The following KIF2C variants were observed in gnomAD, a reference collection of about 807,000 sequenced individuals.
KIF2C encodes kinesin-like protein KIF2C.
Under a neutral mutation model 97.4 loss-of-function variants are expected in KIF2C, and 34 were observed. The ratio of observed to expected loss-of-function variants is 0.35; its 90% CI spans 0.27 to 0.46. KIF2C has a LOEUF of 0.46. Among genes scored for constraint, KIF2C ranks in the 20% least tolerant of loss-of-function variants. KIF2C has a pLI of 1.00. For synonymous variants in KIF2C, 313 were observed against 318.2 expected, an observed-to-expected ratio of 0.98 and a Z score of 0.17; for missense variants, 750 against 907.6, an observed-to-expected ratio of 0.83 and a Z score of 2.23.
Position 44,758,111 on chromosome 1 carries a change from G to T in KIF2C, c.1195G>T (p.Val399Leu), listed in dbSNP as rs1233226926. Residue 399 changes from valine (V) to leucine (L), a missense_variant, in exon 13 of 21, where the codon GTG (valine) becomes TTG (leucine). By Grantham distance (32) the Val-to-Leu change is conservative (BLOSUM62 1). Transcript: ENST00000372224. Reference protein sequence around the residue: ...CYRKLGLEVYVTFFEIYNGKL... With the variant: ...CYRKLGLEVYLTFFEIYNGKL... ...CCGGAAGTTGGGCCTGGAAGTCTATGTGACATTCTTCGAGATCTACAATGG... is the reference window on the plus strand; with the variant it reads ...CCGGAAGTTGGGCCTGGAAGTCTATTTGACATTCTTCGAGATCTACAATGG... 2 of 1,609,140 alleles carry T rather than the reference G, an allele frequency of 1.2e-6. No individual in the cohort carries two copies. Among genetic ancestry groups the T allele is most frequent in the Non-Finnish European group, 1.7e-6 (2 of 1,178,020 alleles).
At chr1:44,754,098 C>T (rs1649686972) in intron 7 of KIF2C, among the ~76,000 whole-genome samples, 1 of 150,314 alleles carries the variant, frequency 6.7e-6, no homozygotes, top group South Asian at 2.1e-4. Flanking sequence ...GGATTACAGG[C>T]ATGTGCCGCT....
chr1:44,746,612 CCAG>C, intron 2 of KIF2C: 1 of 1,462,598 alleles, frequency 6.8e-7, no homozygotes, highest in Non-Finnish European at 9.0e-7. Context: ...ACCTCACTGC[CCAG>C]CAGATCAGCA....
rs34685023 is a variant in KIF2C at position 44,753,958 on chromosome 1, CTTTTTTTTTTTTTTTT to C, written c.663+137_663+152del. 117 of 67,916 alleles carry C rather than the reference CTTTTTTTTTTTTTTTT, an allele frequency of 1.7e-3. 1 individual carries two copies. The Middle Eastern group carries it at 0.033, about 19-fold the overall frequency. 4.2% of individuals were successfully genotyped at this position (67,916 alleles called of 1,614,324 possible). A position where few individuals can be genotyped will look rare whatever the true frequency, so the allele number is the denominator to read the frequency against. On this transcript the variant is annotated intron_variant, in intron 7 of 20. Transcript: ENST00000372224. ...GGCTCCAGTTCTTGAGGCCCCAATT[CTTTTTTTTTTTTTTTT>C]TTTTTTTTTTTGCTCTGTTGCCCTG...
At position 44,765,122 on chromosome 1, in the gene KIF2C, A is replaced by G. The variant is rs915001172; in HGVS notation, c.1972-1704A>G. On this transcript the variant is annotated intron_variant, in intron 19 of 20. Transcript: ENST00000372224. Reference sequence around the variant, plus strand: ...GCAACAGAGCAAGACTGTCTCAAAAATAAAATAAAATAATCATTTGGCCAG... The same window carrying G: ...GCAACAGAGCAAGACTGTCTCAAAAGTAAAATAAAATAATCATTTGGCCAG... Among the ~76,000 whole-genome samples the G allele has an allele frequency of 4.1e-4, 62 of 152,068 alleles. 1 individual carries two copies. The highest frequency in any genetic ancestry group is 2.0e-4 in the Admixed American group (3 of 15,248).
At chr1:44,758,259 G>A in intron 13 of KIF2C, 119 bp downstream of exon 13, 2 of 807,374 alleles carry the variant, frequency 2.5e-6, no homozygotes, top group Non-Finnish European at 4.1e-6. Flanking sequence ...AGCCACTGAT[G>A]GGCCATTCTG....
At chr1:44,764,122 A>G (rs1384280355) in intron 19 of KIF2C, among the ~76,000 whole-genome samples, 2 of 152,118 alleles carry the variant, frequency 1.3e-5, no homozygotes, top group Non-Finnish European at 2.9e-5. Context: ...TGAACCATTT[A>G]GATATACAAG....
intron 5 of KIF2C, among the ~76,000 whole-genome samples, chr1:44,751,821 C>CTTTTT (rs375561958): frequency 8.0e-5 from 8 of 100,096 alleles, no homozygotes; most frequent in African/African-American, 1.6e-4. Flanking sequence ...CTTTTTATAC[C>CTTTTT]TTTTTTTTTT....
At position 44,760,657 on chromosome 1, in the gene KIF2C, G is replaced by A. The variant is rs764149052; in HGVS notation, c.1638G>A (p.Gln546=). 1 of 1,614,208 alleles carries A rather than the reference G, an allele frequency of 6.2e-7. No homozygotes were observed. The highest frequency in any genetic ancestry group is 8.5e-7 in the Non-Finnish European group (1 of 1,180,038). The change falls in exon 16 of 21, where the codon CAG becomes CAA. Residue 546 remains glutamine, a synonymous_variant. Coordinates refer to ENST00000372224, the MANE Select transcript of KIF2C (RefSeq NM_006845.4). The surrounding 1 kb of genome is among the most constrained non-coding windows in gnomAD (Gnocchi z 4.2). ...HTPFRESKLT[Q]VLRDSFIGEN... is the part of the protein sequence containing the mutation. ...CGTTCCGTGAGAGCAAGCTGACACA[G>A]GTGCTGAGGGACTCCTTCATTGGGG...
intron 13 of KIF2C, 105 bp from the exon 14 acceptor site, chr1:44,759,101 C>T: frequency 6.9e-7 from 1 of 1,439,600 alleles, no homozygotes; most frequent in Non-Finnish European, 9.6e-7. Context: ...TCTGCCTTTC[C>T]TGCTGCTGGC....
intron 2 of KIF2C, among the ~76,000 whole-genome samples, chr1:44,742,852 A>G (rs1649006414): frequency 1.3e-5 from 2 of 152,186 alleles, no homozygotes; most frequent in Middle Eastern, 3.4e-3. Flanking sequence ...GGTTGAGGAG[A>G]CAAAAAGACG....
intron 2 of KIF2C, 68 bp from the exon 3 acceptor site, chr1:44,747,316 A>G: frequency 3.6e-6 from 5 of 1,393,608 alleles, no homozygotes; most frequent in Non-Finnish European, 5.0e-6. Context: ...TCAAAAAAAA[A>G]AAAAAAGAAA....
At chr1:44,752,283 T>C (rs1649571958) in intron 5 of KIF2C, among the ~76,000 whole-genome samples, 1 of 151,594 alleles carries the variant, frequency 6.6e-6, no homozygotes, top group Non-Finnish European at 1.5e-5. Flanking sequence ...TACAGCCGCC[T>C]GCCACCGCGC....
At chr1:44,753,898 G>A in intron 7 of KIF2C, 65 bp downstream of exon 7, 1 of 844,546 alleles carries the variant, frequency 1.2e-6, no homozygotes, top group Non-Finnish European at 1.8e-6. Context: ...AACTCTACGG[G>A]CAACAGAGAT....
At chr1:44,740,799 T>TTTTAAAC in intron 1 of KIF2C, 114 bp from the exon 2 acceptor site, 1 of 404,752 alleles carries the variant, frequency 2.5e-6, no homozygotes, top group Non-Finnish European at 4.6e-6. Context: ...TTTTTTTTTT[T>TTTTAAAC]AAGGTAGCTG....
rs1271150720 is a variant in KIF2C at position 44,740,873 on chromosome 1, G to A, written c.71-40G>A. 2.1e-6 allele frequency: 3 copies of A among 1,449,322 alleles called. No homozygotes were observed. The East Asian group carries it at 7.2e-5, about 35-fold the overall frequency. The allele number at this position is 1,449,322 out of a possible 1,614,324, so 89.8% of individuals were successfully genotyped here. A position where few individuals can be genotyped will look rare whatever the true frequency, so the allele number is the denominator to read the frequency against. On this transcript the variant is annotated intron_variant, in intron 1 of 20. Coordinates refer to ENST00000372224, the MANE Select transcript of KIF2C (RefSeq NM_006845.4). ...TGGAATCCTAAAAGTGAAGCTCTCA[G>A]GAAAGAGATGGGTAACTCTGGTTTT... is the stretch of plus-strand genomic sequence containing the variant.
chr1:44,752,871 C>T (rs968430350), intron 5 of KIF2C, among the ~76,000 whole-genome samples: 1 of 152,184 alleles, frequency 6.6e-6, no homozygotes, highest in Non-Finnish European at 1.5e-5. Context: ...AGTTCACGCT[C>T]TCAGAGGCTT....
At chr1:44,749,452 A>G (rs1246578253) in intron 4 of KIF2C, among the ~76,000 whole-genome samples, 1 of 149,720 alleles carries the variant, frequency 6.7e-6, no homozygotes, top group African/African-American at 2.5e-5. Context: ...CAAAGAAAAA[A>G]AATTACAGAT....
At chr1:44,758,950 A>G in intron 13 of KIF2C, 1 of 483,800 alleles carries the variant, frequency 2.1e-6, no homozygotes, top group Non-Finnish European at 3.8e-6. Flanking sequence ...TTTACAGATG[A>G]GATGCAAGGC....
Position 44,760,773 on chromosome 1 carries a change from C to A in KIF2C, c.1683+71C>A. The A allele has an allele frequency of 7.8e-7, 1 of 1,283,882 alleles. No individual in the cohort carries two copies. Among genetic ancestry groups the A allele is most frequent in the Non-Finnish European group, 1.1e-6 (1 of 891,856 alleles). 79.5% of individuals were successfully genotyped at this position (1,283,882 alleles called of 1,614,324 possible). A position where few individuals can be genotyped will look rare whatever the true frequency, so the allele number is the denominator to read the frequency against. ...TTGCTTTCCACAGAGACACTTAGTC[C>A]TGTCCCTGGGCTGGAAGCTCAGCAC... On this transcript the variant is annotated intron_variant, in intron 16 of 20. Transcript: ENST00000372224. This position sits in a 1 kb window ranked among gnomAD's most constrained non-coding sequence, Gnocchi z 4.2.
Sources: gnomAD v4.1 joint callset for allele counts (sites outside exome capture counted in the v4.1 genomes callset) on GRCh38, gnomAD v4.1.1 for gene constraint, Gnocchi (gnomAD v3.1) non-coding constraint, MANE v1.5 for transcripts, NCBI Gene and HGNC (gene_info 2026-07-23, HGNC 2026-07-21) for gene names.